Variants in COL6A6 observed in about 807,000 individuals in gnomAD.
COL6A6 encodes collagen type VI alpha 6 chain, also known as collagen alpha-6(VI) chain.
Under a neutral mutation model 208.6 loss-of-function variants are expected in COL6A6, and 183 were observed. That is an observed-to-expected ratio of 0.88 (90% confidence interval 0.78 to 0.99). COL6A6 has a LOEUF of 0.99. Among genes scored for constraint, COL6A6 ranks in the 50% least tolerant of loss-of-function variants. The pLI, the probability that COL6A6 is intolerant of heterozygous loss-of-function variation, is 0.00. For missense variants in COL6A6, 2,816 were observed against 2,815.2 expected, an observed-to-expected ratio of 1.00 and a Z score of -0.01; for synonymous variants, 973 against 1,011.8, an observed-to-expected ratio of 0.96 and a Z score of 0.73.
chr3:130,561,467 A>G (rs183900627), intron 2 of COL6A6, among the ~76,000 whole-genome samples: 5 of 152,318 alleles, frequency 3.3e-5, no homozygotes, highest in African/African-American at 1.2e-4. Flanking sequence ...AGATGGCCAT[A>G]AAAGGAATGA....
intron 1 of COL6A6, among the ~76,000 whole-genome samples, chr3:130,543,032 A>G (rs1021111458): frequency 6.6e-6 from 1 of 150,864 alleles, no homozygotes; most frequent in East Asian, 1.9e-4. Flanking sequence ...CAGCCTCCCG[A>G]GTAGCTAGAA....
At chr3:130,595,316 T>G (rs954379351) in intron 18 of COL6A6, among the ~76,000 whole-genome samples, 1 of 152,256 alleles carries the variant, frequency 6.6e-6, no homozygotes, top group East Asian at 1.9e-4. Flanking sequence ...GATTTAGCTT[T>G]GTTTTAAAAT....
In COL6A6 at chr3:130,565,098, G is replaced by A. The variant is rs2062983420; in HGVS notation, c.766G>A (p.Val256Ile). 1 of 1,613,914 alleles carries A rather than the reference G, an allele frequency of 6.2e-7. No homozygotes were observed. The highest frequency in any genetic ancestry group is 1.1e-5 in the South Asian group (1 of 91,084). The change falls in exon 4 of 37, where the codon GTA (valine) becomes ATA (isoleucine). Residue 256 changes from valine (V) to isoleucine (I), a missense_variant. Coordinates refer to ENST00000358511, the MANE Select transcript of COL6A6 (RefSeq NM_001102608.3). ...TCTTAAAGGATTCTTGGAAGAAAGT[G>A]TATCTGCCCTTGACATAAAGGAAAA... ...DYLKGFLEES[V>I]SALDIKENCM...
intron 1 of COL6A6, among the ~76,000 whole-genome samples, chr3:130,518,517 T>C (rs1215813641): frequency 7.4e-6 from 1 of 134,468 alleles, no homozygotes; most frequent in Admixed American, 7.0e-5. Flanking sequence ...TAATTTCTCC[T>C]TTTTTTTGAG....
intron 23 of COL6A6, among the ~76,000 whole-genome samples, chr3:130,621,292 A>C (rs2108268789): frequency 6.6e-6 from 1 of 152,260 alleles, no homozygotes; most frequent in Non-Finnish European, 1.5e-5. Context: ...CTAACTTATC[A>C]CTAGGAAAGA....
At chr3:130,611,165 C>T (rs746378378) in intron 23 of COL6A6, among the ~76,000 whole-genome samples, 4 of 152,156 alleles carry the variant, frequency 2.6e-5, no homozygotes, top group Admixed American at 6.5e-5. Context: ...AATTTAACTT[C>T]TCCCTAGGAG....
intron 2 of COL6A6, among the ~76,000 whole-genome samples, chr3:130,562,485 T>G (rs1044196082): frequency 6.6e-6 from 1 of 152,156 alleles, no homozygotes; most frequent in Non-Finnish European, 1.5e-5. Flanking sequence ...GATTGACTAT[T>G]CCATATTTTT....
At chr3:130,568,943 G>A (rs2063096420) in intron 6 of COL6A6, among the ~76,000 whole-genome samples, 2 of 152,224 alleles carry the variant, frequency 1.3e-5, no homozygotes, top group Admixed American at 1.3e-4. Context: ...CAGAAGGGGT[G>A]TAGGAAACAG....
chr3:130,534,645 G>T (rs56980770), intron 1 of COL6A6, among the ~76,000 whole-genome samples: 1 of 152,022 alleles, frequency 6.6e-6, no homozygotes, highest in Non-Finnish European at 1.5e-5. Context: ...GAACTCAGGC[G>T]TATGTTTTCC....
chr3:130,660,713 A>C (rs182146364), intron 34 of COL6A6, among the ~76,000 whole-genome samples: 106 of 152,332 alleles, frequency 7.0e-4, no homozygotes, highest in African/African-American at 2.5e-3. Context: ...CTTGTTACTG[A>C]AACGAGACCA....
intron 15 of COL6A6, 44 bp downstream of exon 15, chr3:130,592,766 A>G: frequency 6.7e-7 from 1 of 1,500,878 alleles, no homozygotes; most frequent in Non-Finnish European, 9.1e-7. Context: ...TATGTTATCT[A>G]GAAATATTTT....
chr3:130,538,224 ACTT>A (rs1032250875), intron 1 of COL6A6, among the ~76,000 whole-genome samples: 4 of 152,166 alleles, frequency 2.6e-5, no homozygotes, highest in African/African-American at 9.7e-5. Context: ...AATTATACCT[ACTT>A]TACAGGGGTA....
At position 130,629,097 on chromosome 3, in the gene COL6A6, C is replaced by T. The variant is rs1175052709; in HGVS notation, c.4992+1728C>T. Among the ~76,000 whole-genome samples, 33 of 40,760 alleles carry T rather than the reference C, an allele frequency of 8.1e-4. 1 individual carries two copies. Among genetic ancestry groups the T allele is most frequent in the Non-Finnish European group, 6.0e-4 (16 of 26,594 alleles). The allele number at this position is 40,760 out of a possible 152,430, so 26.7% of individuals were successfully genotyped here. ...GAAGGCTTCAGACGATCAAATTACT[C>T]TGAGCTACGGGAGGACATTCAAACC... On this transcript the variant is annotated intron_variant, in intron 26 of 36. Transcript: ENST00000358511.
chr3:130,567,237 T>G lies in COL6A6; in HGVS notation c.1818T>G (p.Val606=), dbSNP rs1210343003. Residue 606 remains valine (V), a synonymous_variant, in exon 5 of 37, where the codon GTT becomes GTG. Transcript: ENST00000358511. ...CATTGAAAGACATAAGAAACCAAGT[T>G]GTTCAAGAAATCTGTACTGAAGAAG... ...FDALKDIRNQ[V]VQEICTEEAC... is the part of the protein sequence containing the mutation. 6.2e-7 allele frequency: 1 copy of G among 1,611,392 alleles called. No homozygotes were observed. The highest frequency in any genetic ancestry group is 1.7e-5 in the Admixed American group (1 of 59,914).
intron 1 of COL6A6, among the ~76,000 whole-genome samples, chr3:130,549,957 T>TTTGTGTCA: frequency 6.6e-6 from 1 of 152,344 alleles, no homozygotes; most frequent in South Asian, 2.1e-4. Context: ...CCATTGAATG[T>TTTGTGTCA]ATTTCCATTT....
At chr3:130,607,106 T>C in intron 21 of COL6A6, 140 bp downstream of exon 21, 1 of 579,982 alleles carries the variant, frequency 1.7e-6, no homozygotes. Context: ...AAATTTTAGG[T>C]TAAGATTTTA....
chr3:130,617,619 AG>A (rs1380559457), intron 23 of COL6A6, among the ~76,000 whole-genome samples: 2 of 152,194 alleles, frequency 1.3e-5, no homozygotes, highest in Non-Finnish European at 2.9e-5. Context: ...TTCTTGCATT[AG>A]CTCACCATTT....
At chr3:130,651,867 T>G (rs2065654118) in intron 33 of COL6A6, among the ~76,000 whole-genome samples, 1 of 152,354 alleles carries the variant, frequency 6.6e-6, no homozygotes, top group Admixed American at 6.5e-5. Context: ...ATTTAACTTC[T>G]GAAAATGTAC....
At chr3:130,607,067 G>A in intron 21 of COL6A6, 101 bp downstream of exon 21, 1 of 895,326 alleles carries the variant, frequency 1.1e-6, no homozygotes, top group African/African-American at 1.7e-5. Flanking sequence ...CCTTTTTGAT[G>A]ATATTGGTTA....
Sources: gnomAD v4.1 joint callset for allele counts (sites outside exome capture counted in the v4.1 genomes callset) on GRCh38, gnomAD v4.1.1 for gene constraint, MANE v1.5 for transcripts, NCBI Gene and HGNC (gene_info 2026-07-23, HGNC 2026-07-21) for gene names.